Variants in RSRC1 observed in about 807,000 individuals in gnomAD.
RSRC1 encodes the protein serine/Arginine-related protein 53.
RSRC1 carries 39 observed loss-of-function variants against 49.1 expected under a neutral mutation model. That is an observed-to-expected ratio of 0.79 (90% CI 0.61 to 1.04). RSRC1 has a LOEUF of 1.04. Ranked by LOEUF, RSRC1 falls within the 50% of genes least tolerant of loss-of-function variation. The probability of loss-of-function intolerance (pLI) is 0.00; values close to 1 mark genes in which losing one functional copy is unlikely to be tolerated. For missense variants in RSRC1, 388 were observed against 402.4 expected, an observed-to-expected ratio of 0.96 and a Z score of 0.31; for synonymous variants, 143 against 130.8, an observed-to-expected ratio of 1.09 and a Z score of -0.63.
intron 7 of RSRC1, among the ~76,000 whole-genome samples, chr3:158,476,340 A>G (rs1471248905): frequency 6.6e-6 from 1 of 152,192 alleles, no homozygotes; most frequent in African/African-American, 2.4e-5. Flanking sequence ...TAAACAACAG[A>G]TTTTCAATGC....
At chr3:158,120,649 TA>T (rs1367814304) in intron 1 of RSRC1, among the ~76,000 whole-genome samples, 1 of 147,146 alleles carries the variant, frequency 6.8e-6, no homozygotes. Flanking sequence ...ATACTATACA[TA>T]ATATATATTT....
intron 4 of RSRC1, among the ~76,000 whole-genome samples, chr3:158,291,577 A>G (rs1168071657): frequency 2.6e-5 from 4 of 152,196 alleles, no homozygotes; most frequent in Non-Finnish European, 5.9e-5. Context: ...ATGATGAGAA[A>G]AATTGTCATT....
chr3:158,254,519 C>T (rs1318893404), intron 4 of RSRC1, among the ~76,000 whole-genome samples: 2 of 151,832 alleles, frequency 1.3e-5, no homozygotes, highest in Non-Finnish European at 2.9e-5. Flanking sequence ...GCAAGCCCTG[C>T]CTCCTGGGTT....
At chr3:158,236,724 T>C (rs1723268951) in intron 4 of RSRC1, among the ~76,000 whole-genome samples, 1 of 152,190 alleles carries the variant, frequency 6.6e-6, no homozygotes, top group Non-Finnish European at 1.5e-5. Context: ...ATGGGAAAAG[T>C]CAAATAAAAT....
At chr3:158,283,760 T>A (rs1726320969) in intron 4 of RSRC1, among the ~76,000 whole-genome samples, 1 of 152,190 alleles carries the variant, frequency 6.6e-6, no homozygotes, top group Admixed American at 6.5e-5. Context: ...TTGAGAATGT[T>A]GATACATTCT....
intron 3 of RSRC1, among the ~76,000 whole-genome samples, chr3:158,147,785 G>A (rs1717239054): frequency 6.6e-6 from 1 of 152,154 alleles, no homozygotes; most frequent in African/African-American, 2.4e-5. Context: ...TGAACAATAG[G>A]AGAAATTCTC....
intron 6 of RSRC1, among the ~76,000 whole-genome samples, chr3:158,412,262 C>T (rs1483517074): frequency 2.0e-5 from 3 of 151,954 alleles, no homozygotes; most frequent in Non-Finnish European, 2.9e-5. Context: ...AGGATAAGAA[C>T]CATAATATAT....
At chr3:158,470,357 C>CATATATAT (rs1397429366) in intron 7 of RSRC1, among the ~76,000 whole-genome samples, 18 of 128,794 alleles carry the variant, frequency 1.4e-4, no homozygotes, top group African/African-American at 5.2e-4. Context: ...CACACACACA[C>CATATATAT]ACACATATAT....
At chr3:158,497,768 A>G (rs140522316) in intron 7 of RSRC1, among the ~76,000 whole-genome samples, 356 of 152,210 alleles carry the variant, frequency 2.3e-3, no homozygotes, top group African/African-American at 8.4e-3. Context: ...GTGTCTTCAC[A>G]GCTTAGCTCC....
At chr3:158,143,470 A>G (rs1462774804) in intron 3 of RSRC1, among the ~76,000 whole-genome samples, 1 of 152,206 alleles carries the variant, frequency 6.6e-6, no homozygotes, top group Admixed American at 6.5e-5. Flanking sequence ...GTTAAATAGT[A>G]GGGACATTAC....
intron 5 of RSRC1, among the ~76,000 whole-genome samples, chr3:158,316,792 C>G (rs1426511785): frequency 6.6e-6 from 1 of 152,156 alleles, no homozygotes; most frequent in Non-Finnish European, 1.5e-5. Context: ...TTGGCCTGCT[C>G]TTGGTGCAAA....
chr3:158,267,440 G>C (rs1198305926), intron 4 of RSRC1, among the ~76,000 whole-genome samples: 1 of 151,456 alleles, frequency 6.6e-6, no homozygotes, highest in Non-Finnish European at 1.5e-5. Flanking sequence ...CAGATATTCT[G>C]TTTGTTCATT....
chr3:158,276,088 G>A, intron 4 of RSRC1: 1 of 883,806 alleles, frequency 1.1e-6, no homozygotes, highest in South Asian at 1.3e-5. Flanking sequence ...GACTCTTAGA[G>A]CCCCACAGTG....
At position 158,180,139 on chromosome 3, in the gene RSRC1, T is replaced by G. The variant is rs546952501; in HGVS notation, c.321-22933T>G. The stretch of plus-strand genomic sequence containing the variant: ...TGAGAGTTCTTTACTTAAAACATAT[T>G]TTCTCCTAGTCTTTAGCTTGTCTTT... On this transcript the variant is annotated intron_variant, in intron 3 of 9. Coordinates refer to ENST00000611884, the MANE Select transcript of RSRC1 (RefSeq NM_001271838.2). Among the ~76,000 whole-genome samples, 9 of 152,242 alleles carry G rather than the reference T, an allele frequency of 5.9e-5. No individual in the cohort carries two copies. The South Asian group carries it at 1.9e-3, about 31-fold the overall frequency.
chr3:158,366,466 G>A (rs1036999300), intron 6 of RSRC1, among the ~76,000 whole-genome samples: 10 of 152,090 alleles, frequency 6.6e-5, no homozygotes, highest in African/African-American at 2.4e-4. Context: ...TAGATGTGTG[G>A]CATTATTTCT....
intron 3 of RSRC1, among the ~76,000 whole-genome samples, chr3:158,151,401 A>T (rs1378819625): frequency 6.6e-6 from 1 of 152,022 alleles, no homozygotes; most frequent in Non-Finnish European, 1.5e-5. Context: ...TCTTTTGGGG[A>T]TATGGAGGGC....
At chr3:158,490,756 A>G (rs1339312377) in intron 7 of RSRC1, among the ~76,000 whole-genome samples, 1 of 152,208 alleles carries the variant, frequency 6.6e-6, no homozygotes, top group Non-Finnish European at 1.5e-5. Flanking sequence ...TTGGAGCCCA[A>G]GAGATGGAAA....
intron 7 of RSRC1, among the ~76,000 whole-genome samples, chr3:158,481,241 T>C (rs1738603456): frequency 6.6e-6 from 1 of 152,082 alleles, no homozygotes; most frequent in East Asian, 1.9e-4. Flanking sequence ...TAAAGCCTTA[T>C]TATTGGTGCC....
intron 8 of RSRC1, among the ~76,000 whole-genome samples, chr3:158,542,683 A>G (rs1713102859): frequency 1.3e-5 from 2 of 152,172 alleles, no homozygotes; most frequent in Admixed American, 1.3e-4. Flanking sequence ...AGGAATGGGG[A>G]ATGATTGCTA....
Sources: allele counts gnomAD v4.1 joint callset (sites outside exome capture counted in the v4.1 genomes callset), GRCh38; gene constraint gnomAD v4.1.1; transcripts MANE v1.5; gene names NCBI Gene and HGNC (gene_info 2026-07-23, HGNC 2026-07-21).